GPC6: variants seen among roughly 807,000 people sequenced by gnomAD.
The protein encoded by GPC6 is glypican-6.
Under a neutral mutation model 55.2 loss-of-function variants are expected in GPC6, and 14 were observed. The observed-to-expected ratio is 0.25, with a 90% CI of 0.17 to 0.40. GPC6 has a LOEUF of 0.40. Ranked by LOEUF, GPC6 falls within the 10% of genes least tolerant of loss-of-function variation. GPC6 has a pLI of 1.00. For missense variants in GPC6, 641 were observed against 708.5 expected (o/e 0.90, Z 1.08); for synonymous variants, 278 against 259.6 (o/e 1.07, Z -0.68).
intron 2 of GPC6, among the ~76,000 whole-genome samples, chr13:93,800,796 T>C (rs563078324): frequency 1.1e-4 from 17 of 152,216 alleles, no homozygotes; most frequent in Non-Finnish European, 2.4e-4. Context: ...AGTGTGAACA[T>C]CAACCTAGAA....
At chr13:93,994,333 T>C (rs1038604544) in intron 3 of GPC6, among the ~76,000 whole-genome samples, 7 of 152,194 alleles carry the variant, frequency 4.6e-5, no homozygotes, top group Non-Finnish European at 8.8e-5. Context: ...TTTACAAAAT[T>C]ACAATATTGC....
chr13:93,847,436 A>AT (rs1405074106), intron 3 of GPC6, among the ~76,000 whole-genome samples: 2 of 152,172 alleles, frequency 1.3e-5, no homozygotes, highest in Non-Finnish European at 2.9e-5. Context: ...CACATGACTC[A>AT]TTTGTGTTCA....
At chr13:93,414,465 G>A (rs186220995) in intron 1 of GPC6, among the ~76,000 whole-genome samples, 17 of 152,186 alleles carry the variant, frequency 1.1e-4, no homozygotes, top group African/African-American at 4.1e-4. Flanking sequence ...TCAGCAATAC[G>A]ATCGTCTGTT....
intron 1 of GPC6, among the ~76,000 whole-genome samples, chr13:93,496,468 G>A (rs1393795094): frequency 6.6e-5 from 10 of 152,194 alleles, no homozygotes; most frequent in African/African-American, 1.7e-4. Flanking sequence ...GAAATCACCC[G>A]TCTTCTGCGT....
intron 3 of GPC6, among the ~76,000 whole-genome samples, chr13:93,943,671 C>T (rs1013044486): frequency 2.6e-5 from 4 of 152,222 alleles, no homozygotes; most frequent in South Asian, 2.1e-4. Flanking sequence ...ACCCAAATTT[C>T]AAAAGCCTTT....
At chr13:93,550,610 G>A (rs995524512) in intron 2 of GPC6, among the ~76,000 whole-genome samples, 5 of 151,994 alleles carry the variant, frequency 3.3e-5, no homozygotes, top group Non-Finnish European at 7.4e-5. Flanking sequence ...ATCTGCTTGT[G>A]TTTTGTTTTT....
intron 3 of GPC6, among the ~76,000 whole-genome samples, chr13:93,834,015 G>A (rs1566559964): frequency 6.6e-6 from 1 of 152,032 alleles, no homozygotes; most frequent in Non-Finnish European, 1.5e-5. Flanking sequence ...GTTGATGAGA[G>A]GTGGAATATC....
At chr13:93,679,858 G>A (rs1260119319) in intron 2 of GPC6, among the ~76,000 whole-genome samples, 1 of 151,540 alleles carries the variant, frequency 6.6e-6, no homozygotes, top group Non-Finnish European at 1.5e-5. Context: ...AGCAGTCACT[G>A]TCCCCAAGGA....
intron 4 of GPC6, among the ~76,000 whole-genome samples, chr13:94,080,859 A>T (rs1885072147): frequency 1.3e-5 from 2 of 152,204 alleles, no homozygotes; most frequent in African/African-American, 2.4e-5. Flanking sequence ...GTCGAGCTTC[A>T]AGATATGAAT....
At chr13:93,883,731 A>G (rs755431306) in intron 3 of GPC6, among the ~76,000 whole-genome samples, 18 of 152,002 alleles carry the variant, frequency 1.2e-4, no homozygotes, top group African/African-American at 3.6e-4. Flanking sequence ...TGACCCAACT[A>G]TGGTTTTGCC....
At chr13:93,351,837 T>C (rs1230276572) in intron 1 of GPC6, among the ~76,000 whole-genome samples, 1 of 152,172 alleles carries the variant, frequency 6.6e-6, no homozygotes, top group East Asian at 1.9e-4. Context: ...TTCACTTTTC[T>C]GAGTAACACT....
At chr13:93,788,657 A>G (rs773290982) in intron 2 of GPC6, among the ~76,000 whole-genome samples, 1 of 151,956 alleles carries the variant, frequency 6.6e-6, no homozygotes, top group Non-Finnish European at 1.5e-5. Flanking sequence ...TGCAGTTACA[A>G]CGCCACATTG....
chr13:93,849,123 A>G (rs1333487859), intron 3 of GPC6, among the ~76,000 whole-genome samples: 1 of 152,146 alleles, frequency 6.6e-6, no homozygotes, highest in Non-Finnish European at 1.5e-5. Flanking sequence ...ATCATTCCTC[A>G]GAGCAAGAAC....
rs534733908 is a variant in GPC6, at chr13:94,243,212, A to G, written c.878-43137A>G. Among the ~76,000 whole-genome samples the G allele has an allele frequency of 3.9e-5, 6 of 152,228 alleles. No individual in the cohort carries two copies. In the South Asian group the frequency reaches 8.3e-4, roughly 21 times the overall value. Reference sequence around the variant, plus strand: ...AAATCACATGTAAAATAAAATTAGAATGACTAATACTGATTTAAAATAAAG... The same window carrying G: ...AAATCACATGTAAAATAAAATTAGAGTGACTAATACTGATTTAAAATAAAG... On this transcript the variant is annotated intron_variant, in intron 4 of 8. Transcript: ENST00000377047.
intron 3 of GPC6, among the ~76,000 whole-genome samples, chr13:93,893,274 C>T (rs1875796986): frequency 1.3e-5 from 2 of 151,900 alleles, no homozygotes; most frequent in South Asian, 4.2e-4. Context: ...GGCCAGGCTG[C>T]CCTCAAACTC....
the GPC6 span, among the ~76,000 whole-genome samples, chr13:93,218,772 A>G: frequency 6.6e-6 from 1 of 152,216 alleles, no homozygotes; most frequent in Admixed American, 6.5e-5. Flanking sequence ...GTACTTATTC[A>G]TACTGATGAC....
chr13:93,367,072 C>A (rs1282029759), intron 1 of GPC6, among the ~76,000 whole-genome samples: 1 of 151,996 alleles, frequency 6.6e-6, no homozygotes, highest in Admixed American at 6.6e-5. Context: ...TGCTTTTCAA[C>A]CTTAAAATTT....
intron 2 of GPC6, among the ~76,000 whole-genome samples, chr13:93,798,166 CAT>C (rs1466218215): frequency 6.6e-6 from 1 of 152,060 alleles, no homozygotes; most frequent in Non-Finnish European, 1.5e-5. Flanking sequence ...ACCTAAGTCA[CAT>C]AATGTCACAT....
chr13:94,087,968 T>G (rs934428116), intron 4 of GPC6, among the ~76,000 whole-genome samples: 3 of 152,188 alleles, frequency 2.0e-5, no homozygotes, highest in Non-Finnish European at 4.4e-5. Context: ...TTGGTCTCCA[T>G]TCTTCTCTGG....
Sources: gnomAD v4.1 joint callset for allele counts (sites outside exome capture counted in the v4.1 genomes callset) on GRCh38, gnomAD v4.1.1 for gene constraint, MANE v1.5 for transcripts, NCBI Gene and HGNC (gene_info 2026-07-23, HGNC 2026-07-21) for gene names.